Variants in DNAJC6 observed in about 807,000 individuals in gnomAD.
The protein encoded by DNAJC6 is auxilin.
Under a neutral mutation model 110.0 loss-of-function variants are expected in DNAJC6, and 34 were observed. The ratio of observed to expected loss-of-function variants is 0.31; its 90% CI spans 0.24 to 0.41. The LOEUF is 0.41. Among genes scored for constraint, DNAJC6 ranks in the 10% least tolerant of loss-of-function variants. The pLI, the probability that DNAJC6 is intolerant of heterozygous loss-of-function variation, is 1.00. For synonymous variants in DNAJC6, 406 were observed against 437.2 expected, an observed-to-expected ratio of 0.93 and a Z score of 0.89; for missense variants, 1,031 against 1,207.8, an observed-to-expected ratio of 0.85 and a Z score of 2.17.
At chr1:65,409,231 T>A (rs1646104893) in intron 17 of DNAJC6, among the ~76,000 whole-genome samples, 1 of 152,136 alleles carries the variant, frequency 6.6e-6, no homozygotes, top group Non-Finnish European at 1.5e-5. Context: ...GGGGGACACA[T>A]ACATTCAGAC....
chr1:65,341,362 C>G (rs546277376), intron 1 of DNAJC6, among the ~76,000 whole-genome samples: 1 of 152,206 alleles, frequency 6.6e-6, no homozygotes, highest in Non-Finnish European at 1.5e-5. Flanking sequence ...ACCTGCTTGC[C>G]TGTCACCTGC....
chr1:65,343,555 C>G (rs1368552457), intron 1 of DNAJC6, among the ~76,000 whole-genome samples: 1 of 152,090 alleles, frequency 6.6e-6, no homozygotes, highest in Non-Finnish European at 1.5e-5. Context: ...GCATATTAGT[C>G]ACTTAGTAGT....
At chr1:65,337,116 CT>C (rs1645345024) in intron 1 of DNAJC6, among the ~76,000 whole-genome samples, 1 of 150,366 alleles carries the variant, frequency 6.7e-6, no homozygotes, top group Non-Finnish European at 1.5e-5. Context: ...TTCCTTTGTC[CT>C]CTGTGTTCCC....
chr1:65,362,696 A>T (rs1645609400), intron 1 of DNAJC6, among the ~76,000 whole-genome samples: 1 of 152,154 alleles, frequency 6.6e-6, no homozygotes, highest in Non-Finnish European at 1.5e-5. Flanking sequence ...AGGGGTAGCA[A>T]AGCTGGGCAG....
chr1:65,331,868 A>T (rs1279919788), intron 1 of DNAJC6, among the ~76,000 whole-genome samples: 1 of 152,168 alleles, frequency 6.6e-6, no homozygotes, highest in Non-Finnish European at 1.5e-5. Context: ...GAGGAAACTG[A>T]GGCACAGAGC....
intron 1 of DNAJC6, among the ~76,000 whole-genome samples, chr1:65,357,781 C>T (rs532429094): frequency 7.9e-5 from 12 of 152,250 alleles, no homozygotes; most frequent in South Asian, 2.1e-4. Context: ...TGATGAATCA[C>T]GCAAGAGGAA....
At chr1:65,283,806 G>T (rs1227431614) in intron 1 of DNAJC6, among the ~76,000 whole-genome samples, 1 of 152,122 alleles carries the variant, frequency 6.6e-6, no homozygotes, top group Non-Finnish European at 1.5e-5. Context: ...CCATATCCTT[G>T]CCAGCAATTG....
At position 65,309,966 on chromosome 1, in the gene DNAJC6, C is replaced by T. The variant is rs568656067; in HGVS notation, c.193+28C>T. The T allele has an allele frequency of 5.4e-4, 744 of 1,378,748 alleles. 2 individuals carry two copies. The highest frequency in any genetic ancestry group is 2.2e-3 in the Admixed American group (61 of 27,718). The allele number at this position is 1,378,748 out of a possible 1,614,324, so 85.4% of individuals were successfully genotyped here. ...AGCGCTGCCCGAGGGGAGTGCAGCGCTGAGCCCCGCGCGGCCTCCGGAGCC... is the reference window on the plus strand; with the variant it reads ...AGCGCTGCCCGAGGGGAGTGCAGCGTTGAGCCCCGCGCGGCCTCCGGAGCC... On this transcript the variant is annotated intron_variant, in intron 1 of 18. Transcript: ENST00000371069.
chr1:65,349,128 A>C (rs1472319105), intron 1 of DNAJC6, among the ~76,000 whole-genome samples: 2 of 146,154 alleles, frequency 1.4e-5, no homozygotes, highest in Admixed American at 6.9e-5. Context: ...ATATATATAT[A>C]AATATATATG....
At chr1:65,288,672 G>A (rs146105475) in intron 1 of DNAJC6, among the ~76,000 whole-genome samples, 1 of 152,266 alleles carries the variant, frequency 6.6e-6, no homozygotes, top group Non-Finnish European at 1.5e-5. Context: ...TCTAGTTCCT[G>A]ACAACCCTCC....
chr1:65,333,235 G>A (rs758207830), intron 1 of DNAJC6, among the ~76,000 whole-genome samples: 2 of 151,972 alleles, frequency 1.3e-5, no homozygotes, highest in Admixed American at 6.6e-5. Flanking sequence ...TACTCATCTG[G>A]GCTCAGCAGA....
At chr1:65,335,275 ATT>A (rs71056101) in intron 1 of DNAJC6, among the ~76,000 whole-genome samples, 1 of 146,582 alleles carries the variant, frequency 6.8e-6, no homozygotes, top group Non-Finnish European at 1.5e-5. Flanking sequence ...CGCCCAGCTA[ATT>A]TTTTTTTTTT....
intron 1 of DNAJC6, among the ~76,000 whole-genome samples, chr1:65,342,891 A>T: frequency 6.6e-6 from 1 of 152,306 alleles, no homozygotes; most frequent in East Asian, 1.9e-4. Context: ...GTCATGCTGA[A>T]TACTTGATAC....
In DNAJC6 at chr1:65,281,607, T is replaced by G. The variant is rs114174672; in HGVS notation, c.-131+16675T>G. Among the ~76,000 whole-genome samples the G allele has an allele frequency of 4.5e-3, 630 of 139,506 alleles. 6 individuals are homozygous for G. The highest frequency in any genetic ancestry group is 0.019 in the African/African-American group (615 of 31,788). 91.5% of individuals were successfully genotyped at this position (139,506 alleles called of 152,430 possible). A position where few individuals can be genotyped will look rare whatever the true frequency, so the allele number is the denominator to read the frequency against. ...CATTTCTTTTTTCCATTCCTTTTAG[T>G]TTTTTTTTTGTTTTGTTTTGAGATG... On this transcript the variant is annotated intron_variant, in intron 1 of 19. Transcript: ENST00000263441.
At chr1:65,404,423 G>A (rs997762187) in intron 15 of DNAJC6, among the ~76,000 whole-genome samples, 1 of 152,034 alleles carries the variant, frequency 6.6e-6, no homozygotes, top group Non-Finnish European at 1.5e-5. Context: ...AAAGGAGTGA[G>A]TTTTTTTTAC....
rs59681451 is a variant in DNAJC6 at position 65,300,043 on chromosome 1, C to CAA, written c.-131+35130_-131+35131dup. Among the ~76,000 whole-genome samples the CAA allele has an allele frequency of 5.2e-3, 584 of 111,930 alleles. 11 individuals are homozygous for CAA. The highest frequency in any genetic ancestry group is 0.017 in the African/African-American group (506 of 30,296). The allele number at this position is 111,930 out of a possible 152,430, so 73.4% of individuals were successfully genotyped here. A position where few individuals can be genotyped will look rare whatever the true frequency, so the allele number is the denominator to read the frequency against. ...CAACAAGAGTGTGAAAACTCCATCT[C>CAA]AAAAAAAAAAAAAAAAAAAAGAAAA... is the stretch of plus-strand genomic sequence containing the variant. On this transcript the variant is annotated intron_variant, in intron 1 of 19. Coordinates refer to the DNAJC6 transcript ENST00000263441.
intron 1 of DNAJC6, among the ~76,000 whole-genome samples, chr1:65,335,561 C>T (rs1293963762): frequency 1.3e-5 from 2 of 152,062 alleles, no homozygotes; most frequent in Non-Finnish European, 2.9e-5. Flanking sequence ...GAAAAAGAAA[C>T]ATTTAAGGAG....
Position 65,408,688 on chromosome 1 carries a change from G to T in DNAJC6, c.2539G>T (p.Gly847Cys). Residue 847 changes from glycine (G) to cysteine (C), a missense_variant, in exon 17 of 19, where the codon GGT becomes TGT. By Grantham distance (159) the Gly-to-Cys change is radical. Coordinates refer to ENST00000371069, the MANE Select transcript of DNAJC6 (RefSeq NM_001256864.2). ...ADFEDLLSGQ[G>C]FNAHKDKKGP... Reference sequence around the variant, plus strand: ...TTTTGAAGACCTACTCTCTGGTCAAGGTTTCAATGCTCACAAAGACAAAAA... The same window carrying T: ...TTTTGAAGACCTACTCTCTGGTCAATGTTTCAATGCTCACAAAGACAAAAA... The T allele has an allele frequency of 6.2e-7, 1 of 1,614,032 alleles. No individual in the cohort carries two copies.
chr1:65,308,855 C>G (rs1422739096), upstream of DNAJC6, among the ~76,000 whole-genome samples: 2 of 152,318 alleles, frequency 1.3e-5, no homozygotes, highest in East Asian at 3.9e-4. Flanking sequence ...GAGTTCTAAA[C>G]AGTCACATCT....
Sources: gnomAD v4.1 joint callset for allele counts (sites outside exome capture counted in the v4.1 genomes callset) on GRCh38, gnomAD v4.1.1 for gene constraint, MANE v1.5 for transcripts, NCBI Gene and HGNC (gene_info 2026-07-23, HGNC 2026-07-21) for gene names.